TPGS1: variants seen among roughly 807,000 people sequenced by gnomAD.
The protein encoded by TPGS1 is gene trap ROSA b-geo 22.
In TPGS1, 18 loss-of-function variants were observed where a neutral mutation model predicts 11.9. The observed-to-expected ratio is 1.51, with a 90% CI of 1.04 to 2.24. TPGS1 has a LOEUF of 2.24. TPGS1 is among the 30% of genes most tolerant of loss of function. The pLI is 0.00. For missense variants in TPGS1, 500 were observed against 443.0 expected, an observed-to-expected ratio of 1.13 and a Z score of -1.16; for synonymous variants, 247 against 218.2, an observed-to-expected ratio of 1.13 and a Z score of -1.16.
intron 1 of TPGS1, among the ~76,000 whole-genome samples, chr19:510,851 T>G (rs1001142567): frequency 6.6e-6 from 1 of 152,176 alleles, no homozygotes; most frequent in Non-Finnish European, 1.5e-5. Context: ...ACTCGTCCTC[T>G]GGGGGCCGTC....
intron 1 of TPGS1, 92 bp from the exon 2 acceptor site, chr19:518,797 G>A: frequency 1.5e-6 from 2 of 1,350,444 alleles, no homozygotes; most frequent in South Asian, 3.3e-5. Context: ...TGGGGGGTCG[G>A]GGAGGCTAGG....
In TPGS1 at chr19:519,115, T is replaced by G. The variant is rs758413906; in HGVS notation, c.565T>G (p.Phe189Val). Reference protein sequence around the residue: ...SVFRAGTLTCFVLLEFVARAG... With the variant: ...SVFRAGTLTCVVLLEFVARAG... ...CTTCCGCGCGGGCACACTCACCTGC[T>G]TCGTGCTGCTGGAGTTCGTGGCGCG... Residue 189 changes from phenylalanine (F) to valine (V), a missense_variant, in exon 2 of 2, where the codon TTC becomes GTC. By Grantham distance (50) the Phe-to-Val change is conservative. Transcript: ENST00000359315. The G allele has an allele frequency of 3.9e-5, 59 of 1,530,130 alleles. No individual in the cohort carries two copies. In the South Asian group the frequency reaches 6.0e-4, roughly 16 times the overall value. 94.8% of individuals were successfully genotyped at this position (1,530,130 alleles called of 1,614,324 possible).
chr19:518,878 C>T lies in TPGS1; in HGVS notation c.339-11C>T, dbSNP rs760119578. On this transcript the variant is annotated splice_polypyrimidine_tract_variant and intron_variant, in intron 1 of 1. Coordinates refer to ENST00000359315, the MANE Select transcript of TPGS1 (RefSeq NM_033513.3). ...GGTCTCTGCCGGCCCCCAACGTCCC[C>T]GTCTCCGCAGGGCCGCCTTCAACAA... 42 of 1,498,872 alleles carry T rather than the reference C, an allele frequency of 2.8e-5. No homozygotes were observed. The African/African-American group carries it at 5.3e-4, about 19-fold the overall frequency. The allele number at this position is 1,498,872 out of a possible 1,614,324, so 92.8% of individuals were successfully genotyped here.
intron 1 of TPGS1, 68 bp from the exon 2 acceptor site, chr19:518,821 G>A: frequency 7.0e-6 from 10 of 1,430,822 alleles, no homozygotes; most frequent in South Asian, 3.0e-5. Flanking sequence ...TAGGCCTGGC[G>A]AGGAGGGGAG....
chr19:507,510 G>T lies in TPGS1; in HGVS notation c.4G>T (p.Ala2Ser). The T allele has an allele frequency of 7.1e-7, 1 of 1,415,154 alleles. No individual in the cohort carries two copies. The highest frequency in any genetic ancestry group is 2.9e-5 in the Admixed American group (1 of 34,038). 87.7% of individuals were successfully genotyped at this position (1,415,154 alleles called of 1,614,324 possible). A position where few individuals can be genotyped will look rare whatever the true frequency, so the allele number is the denominator to read the frequency against. M[A>S]AVEKRRQAVP... ...GGTCCCGCTGCCCTCAGCGAAGATG[G>T]CGGCAGTGGAGAAGCGGCGGCAAGC... Residue 2 changes from alanine (A) to serine (S), a missense_variant, in exon 1 of 2, where the codon GCG becomes TCG. Transcript: ENST00000359315.
intron 1 of TPGS1, among the ~76,000 whole-genome samples, chr19:516,006 C>T (rs1978942214): frequency 2.0e-5 from 3 of 146,976 alleles, no homozygotes; most frequent in South Asian, 2.1e-4. Context: ...CACTCCAGCC[C>T]GGGCGACAGA....
Position 519,128 on chromosome 19 carries a change from A to G in TPGS1, c.578A>G (p.Glu193Gly). 1.3e-6 allele frequency: 2 copies of G among 1,522,500 alleles called. No individual in the cohort carries two copies. The highest frequency in any genetic ancestry group is 1.8e-6 in the Non-Finnish European group (2 of 1,142,222). 94.3% of individuals were successfully genotyped at this position (1,522,500 alleles called of 1,614,324 possible). The change falls in exon 2 of 2, where the codon GAG becomes GGG. Residue 193 changes from glutamate to glycine, a missense_variant. Coordinates refer to ENST00000359315, the MANE Select transcript of TPGS1 (RefSeq NM_033513.3). Reference sequence around the variant, plus strand: ...ACACTCACCTGCTTCGTGCTGCTGGAGTTCGTGGCGCGCGCCGGCGCGCTC... The same window carrying G: ...ACACTCACCTGCTTCGTGCTGCTGGGGTTCGTGGCGCGCGCCGGCGCGCTC... Reference protein sequence around the residue: ...AGTLTCFVLLEFVARAGALFQ... With the variant: ...AGTLTCFVLLGFVARAGALFQ...
Position 507,825 on chromosome 19 carries a change from C to T in TPGS1, c.319C>T (p.Leu107=). The change falls in exon 1 of 2, where the codon CTG becomes TTG. Residue 107 remains leucine, a synonymous_variant. Transcript: ENST00000359315. ...GGGCCGCGCGCTATGGCACCTTCGC[C>T]TGGCCCACCACTCCCAGAGGTGCGC... ...RLGRALWHLR[L]AHHSQRAAFN... is the part of the protein sequence containing the mutation. 7.4e-7 allele frequency: 1 copy of T among 1,349,980 alleles called. No individual in the cohort carries two copies. The highest frequency in any genetic ancestry group is 9.5e-7 in the Non-Finnish European group (1 of 1,053,404). 83.6% of individuals were successfully genotyped at this position (1,349,980 alleles called of 1,614,324 possible). A position where few individuals can be genotyped will look rare whatever the true frequency, so the allele number is the denominator to read the frequency against.
chr19:519,281 G>GC lies in TPGS1; in HGVS notation c.732dup (p.Ser245LeufsTer?). On this transcript the variant is annotated frameshift_variant, in exon 2 of 2. Coordinates refer to ENST00000359315, the MANE Select transcript of TPGS1 (RefSeq NM_033513.3). LOFTEE classifies it high-confidence loss of function. ...GCGCCCGCGCGCTTCCTGGAGGCCG[G>GC]CTCGCGCTTGGGGCCCGACAGCCTG... 3.4e-6 allele frequency: 4 copies of GC among 1,192,878 alleles called. No individual in the cohort carries two copies. The highest frequency in any genetic ancestry group is 4.1e-6 in the Non-Finnish European group (4 of 964,424). The allele number at this position is 1,192,878 out of a possible 1,614,324, so 73.9% of individuals were successfully genotyped here. A position where few individuals can be genotyped will look rare whatever the true frequency, so the allele number is the denominator to read the frequency against.
intron 1 of TPGS1, among the ~76,000 whole-genome samples, chr19:516,559 A>AT (rs1417698576): frequency 2.0e-5 from 3 of 151,956 alleles, no homozygotes; most frequent in Admixed American, 2.0e-4. Context: ...TAATTTTTGT[A>AT]TTTTTAGTAG....
intron 1 of TPGS1, among the ~76,000 whole-genome samples, chr19:513,735 A>T (rs1173437375): frequency 0.19 from 23,448 of 126,070 alleles, 3,803 homozygotes; most frequent in Admixed American, 0.32. Context: ...ACACCAGCCC[A>T]GCATTACTGA....
intron 1 of TPGS1, among the ~76,000 whole-genome samples, chr19:517,778 G>A (rs138618756): frequency 0.015 from 1,371 of 91,122 alleles, 33 homozygotes; most frequent in Non-Finnish European, 0.023. Flanking sequence ...GGGTGGAGGC[G>A]GGGATGAGGG....
At chr19:517,899 A>AG (rs1219722428) in intron 1 of TPGS1, among the ~76,000 whole-genome samples, 7 of 43,242 alleles carry the variant, frequency 1.6e-4, no homozygotes, top group Admixed American at 2.4e-4. Flanking sequence ...GGCTGGGAGG[A>AG]GGAGGCCCAG....
At chr19:507,932 G>T in intron 1 of TPGS1, 88 bp downstream of exon 1, 1 of 1,078,180 alleles carries the variant, frequency 9.3e-7, no homozygotes, top group Non-Finnish European at 1.2e-6. Context: ...CGCAGCGCCG[G>T]CGCAGGGGCC....
At chr19:517,586 T>G (rs867178616) in intron 1 of TPGS1, among the ~76,000 whole-genome samples, 1 of 788 alleles carries the variant, frequency 1.3e-3, no homozygotes, top group Non-Finnish European at 2.6e-3. Flanking sequence ...CCAGGATGGG[T>G]GGGGGCTGGG....
chr19:518,850 C>T (rs769707622), intron 1 of TPGS1, 39 bp from the exon 2 acceptor site: 2 of 1,468,800 alleles, frequency 1.4e-6, no homozygotes, highest in African/African-American at 2.9e-5. Context: ...TGGGTGGGCG[C>T]GCGGTCTCTG....
chr19:512,880 G>A (rs1306921795), intron 1 of TPGS1, among the ~76,000 whole-genome samples: 1 of 152,194 alleles, frequency 6.6e-6, no homozygotes, highest in Non-Finnish European at 1.5e-5. Flanking sequence ...CTGGGCAGCC[G>A]CCATGCGGTG....
At chr19:516,413 C>G (rs1978956369) in intron 1 of TPGS1, among the ~76,000 whole-genome samples, 1 of 148,342 alleles carries the variant, frequency 6.7e-6, no homozygotes, top group East Asian at 2.0e-4. Flanking sequence ...GAGACGGAGT[C>G]TCGCTCTGTC....
chr19:516,388 C>CTT (rs758220492), intron 1 of TPGS1, among the ~76,000 whole-genome samples: 1,788 of 144,376 alleles, frequency 0.012, 17 homozygotes, highest in Middle Eastern at 0.036. Context: ...TTTTCTTTTT[C>CTT]TTTTTTTTTT....
Sources: gnomAD v4.1 joint callset for allele counts (sites outside exome capture counted in the v4.1 genomes callset) on GRCh38, gnomAD v4.1.1 for gene constraint, MANE v1.5 for transcripts, NCBI Gene and HGNC (gene_info 2026-07-23, HGNC 2026-07-21) for gene names.